RPS6KC1: variants seen among roughly 807,000 people sequenced by gnomAD.
RPS6KC1 encodes the protein ribosomal protein S6 kinase C1.
In RPS6KC1, 54 loss-of-function variants were observed where a neutral mutation model predicts 103.8. The observed-to-expected ratio is 0.52, with a 90% CI of 0.42 to 0.65. RPS6KC1 has a LOEUF of 0.65. RPS6KC1 is among the 30% of genes least tolerant of loss of function. The pLI is 0.00. For synonymous variants in RPS6KC1, 439 were observed against 438.7 expected (o/e 1.00, Z -0.01); for missense variants, 1,151 against 1,253.8 (o/e 0.92, Z 1.24).
chr1:213,326,560 C>A, the RPS6KC1 span, among the ~76,000 whole-genome samples: 1 of 152,202 alleles, frequency 6.6e-6, no homozygotes, highest in Non-Finnish European at 1.5e-5. Context: ...GGCAGGTCTT[C>A]ACCTATTACC....
chr1:213,547,934 C>CA, the RPS6KC1 span, among the ~76,000 whole-genome samples: 1 of 152,130 alleles, frequency 6.6e-6, no homozygotes, highest in Non-Finnish European at 1.5e-5. Flanking sequence ...ACTAAGACAG[C>CA]ACTCTAGAGA....
At chr1:213,616,301 G>A in the RPS6KC1 span, among the ~76,000 whole-genome samples, 6 of 152,220 alleles carry the variant, frequency 3.9e-5, no homozygotes, top group South Asian at 6.2e-4. Context: ...CTGGTCAGGC[G>A]CCTCTTGCAG....
At chr1:213,375,853 G>T in the RPS6KC1 span, among the ~76,000 whole-genome samples, 1 of 152,218 alleles carries the variant, frequency 6.6e-6, no homozygotes, top group Non-Finnish European at 1.5e-5. Flanking sequence ...TGGATTGGCT[G>T]CTGGGGGGTC....
At chr1:213,060,747 A>G (rs2077758741) in intron 1 of RPS6KC1, among the ~76,000 whole-genome samples, 1 of 152,206 alleles carries the variant, frequency 6.6e-6, no homozygotes, top group African/African-American at 2.4e-5. Flanking sequence ...GTAAAATTTG[A>G]GGTGAGAAAA....
chr1:213,248,570 G>A (rs1341301924), intron 12 of RPS6KC1, among the ~76,000 whole-genome samples: 1 of 152,056 alleles, frequency 6.6e-6, no homozygotes, highest in Non-Finnish European at 1.5e-5. Flanking sequence ...TGAGTTTAGA[G>A]TACAAGCAAA....
At chr1:213,350,956 G>A in the RPS6KC1 span, among the ~76,000 whole-genome samples, 17 of 151,980 alleles carry the variant, frequency 1.1e-4, no homozygotes, top group African/African-American at 3.1e-4. Context: ...TTTTCTTGTC[G>A]TCAAATGTTT....
chr1:213,854,558 TTCTTTCTCTCTC>T, the RPS6KC1 span, among the ~76,000 whole-genome samples: 3 of 111,656 alleles, frequency 2.7e-5, no homozygotes, highest in South Asian at 2.7e-4. Flanking sequence ...CTTTCTTTCT[TTCTTTCTCTCTC>T]TCTCTCTCTT....
chr1:213,823,741 C>CACACAT, the RPS6KC1 span, among the ~76,000 whole-genome samples: 2 of 151,750 alleles, frequency 1.3e-5, no homozygotes, highest in Non-Finnish European at 2.9e-5. Context: ...CACACACACA[C>CACACAT]ACACACACAC....
At chr1:213,467,968 G>A in the RPS6KC1 span, among the ~76,000 whole-genome samples, 1 of 152,134 alleles carries the variant, frequency 6.6e-6, no homozygotes, top group Non-Finnish European at 1.5e-5. Flanking sequence ...GGCATTAAAG[G>A]TAAACAATTA....
the RPS6KC1 span, among the ~76,000 whole-genome samples, chr1:213,521,077 A>G: frequency 5.9e-5 from 9 of 152,120 alleles, no homozygotes; most frequent in South Asian, 1.9e-3. Flanking sequence ...CTGTTCTACA[A>G]TTTAGTTTTT....
At position 213,241,688 on chromosome 1, in the gene RPS6KC1, A is replaced by G. The variant is rs957851459; in HGVS notation, c.2212A>G (p.Thr738Ala). 1.9e-6 allele frequency: 3 copies of G among 1,613,794 alleles called. No homozygotes were observed. Residue 738 changes from threonine (T) to alanine (A), a missense_variant, in exon 11 of 15, where the codon ACT becomes GCT. By Grantham distance (58) the Thr-to-Ala change is moderately conservative. Around this residue, in one of 3 missense-constraint regions of RPS6KC1, gnomAD observed 959 missense variants for 1,006.3 expected, o/e 0.95. Coordinates refer to ENST00000366960, the MANE Select transcript of RPS6KC1 (RefSeq NM_012424.6). ...TGATGTTTTATGCCTCAGGCTTAGTACTGAACAATGCCAAGCACATGAGGA... is the reference window on the plus strand; with the variant it reads ...TGATGTTTTATGCCTCAGGCTTAGTGCTGAACAATGCCAAGCACATGAGGA... ...APDVLCLRLS[T>A]EQCQAHEEKG...
intron 6 of RPS6KC1, among the ~76,000 whole-genome samples, chr1:213,153,287 G>T (rs572061973): frequency 6.6e-6 from 1 of 151,656 alleles, no homozygotes; most frequent in Admixed American, 6.6e-5. Flanking sequence ...AAAGGCAGGC[G>T]CAGAGGCAGG....
chr1:213,814,812 T>C, the RPS6KC1 span, among the ~76,000 whole-genome samples: 1 of 152,222 alleles, frequency 6.6e-6, no homozygotes, highest in African/African-American at 2.4e-5. Context: ...GGCTAACAGA[T>C]GACAGAGCAA....
At chr1:213,666,823 C>T in the RPS6KC1 span, among the ~76,000 whole-genome samples, 1 of 152,240 alleles carries the variant, frequency 6.6e-6, no homozygotes, top group Non-Finnish European at 1.5e-5. Context: ...CATAAGGGCA[C>T]CAGCAACAGC....
At chr1:213,490,912 C>G in the RPS6KC1 span, among the ~76,000 whole-genome samples, 1 of 152,158 alleles carries the variant, frequency 6.6e-6, no homozygotes, top group Admixed American at 6.5e-5. Context: ...CCTTCACAGA[C>G]TTTTCAGCTG....
chr1:213,360,904 A>G, the RPS6KC1 span, among the ~76,000 whole-genome samples: 4 of 152,254 alleles, frequency 2.6e-5, no homozygotes, highest in Admixed American at 2.6e-4. Flanking sequence ...TTGCTGTCTG[A>G]TCATTTCTCT....
At chr1:213,403,995 T>C in the RPS6KC1 span, among the ~76,000 whole-genome samples, 1 of 152,128 alleles carries the variant, frequency 6.6e-6, no homozygotes, top group Admixed American at 6.5e-5. Flanking sequence ...AATTGGAGGC[T>C]GTCCTAGGAG....
At chr1:213,510,884 G>A in the RPS6KC1 span, among the ~76,000 whole-genome samples, 1 of 152,246 alleles carries the variant, frequency 6.6e-6, no homozygotes, top group Non-Finnish European at 1.5e-5. Context: ...CTAGCCCAGG[G>A]CCGAAGTCAT....
chr1:213,336,361 G>T, the RPS6KC1 span, among the ~76,000 whole-genome samples: 11 of 152,192 alleles, frequency 7.2e-5, no homozygotes, highest in Non-Finnish European at 1.6e-4. Flanking sequence ...ATGGCCTAAG[G>T]TTCCGACATT....
Sources: allele counts gnomAD v4.1 joint callset (sites outside exome capture counted in the v4.1 genomes callset), GRCh38; gene constraint gnomAD v4.1.1; regional missense constraint gnomAD v4.1.1; transcripts MANE v1.5; gene names NCBI Gene and HGNC (gene_info 2026-07-23, HGNC 2026-07-21).